PLEKHH1: variants seen among roughly 807,000 people sequenced by gnomAD.
The protein encoded by PLEKHH1 is pleckstrin homology, MyTH4 and FERM domain containing H1, also known as pleckstrin homology domain-containing family H member 1.
A neutral mutation model predicts 160.0 loss-of-function variants in PLEKHH1; 104 were observed. The ratio of observed to expected loss-of-function variants is 0.65; its 90% CI spans 0.55 to 0.76. PLEKHH1 has a LOEUF of 0.76. PLEKHH1 is among the 30% of genes least tolerant of loss of function. The pLI is 0.00. For missense variants in PLEKHH1, 1,427 were observed against 1,724.1 expected (o/e 0.83, Z 3.05); for synonymous variants, 619 against 678.4 (o/e 0.91, Z 1.36).
Position 67,541,691 on chromosome 14 carries a change from A to C in PLEKHH1, c.-34-143A>C, listed in dbSNP as rs2033969414. ...AAGGCAGGGAGGGGCCCTGGGGATC[A>C]GTGACCAATTCTCTTCCCCAGCCCT... is the stretch of plus-strand genomic sequence containing the variant. On this transcript the variant is annotated intron_variant, in intron 1 of 28. Coordinates refer to ENST00000329153, the MANE Select transcript of PLEKHH1 (RefSeq NM_020715.3). The C allele has an allele frequency of 5.2e-5, 28 of 539,612 alleles. No individual in the cohort carries two copies. In the South Asian group the frequency reaches 7.1e-4, roughly 14 times the overall value. 33.4% of individuals were successfully genotyped at this position (539,612 alleles called of 1,614,324 possible).
chr14:67,569,926 A>T lies in PLEKHH1; in HGVS notation c.1348A>T (p.Ser450Cys), dbSNP rs964886768. The T allele has an allele frequency of 1.2e-6, 2 of 1,604,942 alleles. No homozygotes were observed. Among genetic ancestry groups the T allele is most frequent in the Admixed American group, 1.7e-5 (1 of 59,360 alleles). The change falls in exon 9 of 29, where the codon AGC becomes TGC. Residue 450 changes from serine to cysteine, a missense_variant. Coordinates refer to ENST00000329153, the MANE Select transcript of PLEKHH1 (RefSeq NM_020715.3). Reference sequence around the variant, plus strand: ...TTCCTCTCTTCCCTGCTCAGCTTCAAGCCCTCCTGCCCTTGTTTCCCCTGG... The same window carrying T: ...TTCCTCTCTTCCCTGCTCAGCTTCATGCCCTCCTGCCCTTGTTTCCCCTGG... ...PRSNTACCAS[S>C]PPALVSPGSF...
chr14:67,535,400 A>ATTTTTT (rs2033670198), intron 1 of PLEKHH1, among the ~76,000 whole-genome samples: 1 of 45,890 alleles, frequency 2.2e-5, no homozygotes. Context: ...TTTTTTTTTG[A>ATTTTTT]GCCAGAGTCT....
rs751086884 is a variant in PLEKHH1 at position 67,555,851 on chromosome 14, G to A, written c.153G>A (p.Leu51=). The A allele has an allele frequency of 1.5e-5, 25 of 1,613,274 alleles. No individual in the cohort carries two copies. The highest frequency in any genetic ancestry group is 1.9e-5 in the Non-Finnish European group (22 of 1,179,518). ...TGCAGGAGCTGGAGCAGAGGCTGCT[G>A]GAGGCAGAGCAGAGAGCAGAGAACG... ...DKMQELEQRL[L]EAEQRAENAE... Residue 51 remains leucine (L), a synonymous_variant, in exon 3 of 29, where the codon CTG becomes CTA. Transcript: ENST00000329153.
rs773826082 is a variant in PLEKHH1, at chr14:67,569,131, G to A, written c.1264-7G>A. 7 of 1,606,794 alleles carry A rather than the reference G, an allele frequency of 4.4e-6. No homozygotes were observed. In the South Asian group the frequency reaches 7.7e-5, roughly 18 times the overall value. On this transcript the variant is annotated splice_region_variant and splice_polypyrimidine_tract_variant and intron_variant, in intron 7 of 28. Transcript: ENST00000329153. ...GGCCCTGAGCTTCCTGAGACCTCTT[G>A]TTTCAGGAGAGCCGGATCTATGCTG... is the stretch of plus-strand genomic sequence containing the variant.
In PLEKHH1 at chr14:67,586,176, T is replaced by C. The variant is rs756984103; in HGVS notation, c.3933+79T>C. The C allele has an allele frequency of 1.3e-5, 19 of 1,498,728 alleles. 1 individual carries two copies. The highest frequency in any genetic ancestry group is 4.5e-5 in the East Asian group (2 of 44,424). The allele number at this position is 1,498,728 out of a possible 1,614,324, so 92.8% of individuals were successfully genotyped here. A position where few individuals can be genotyped will look rare whatever the true frequency, so the allele number is the denominator to read the frequency against. ...GAGCTTAGAAAGGAAACTGGGGTTATGCTAGTGCTCTGCAAGGGCCCTGCC... is the reference window on the plus strand; with the variant it reads ...GAGCTTAGAAAGGAAACTGGGGTTACGCTAGTGCTCTGCAAGGGCCCTGCC... On this transcript the variant is annotated intron_variant, in intron 28 of 28. Coordinates refer to ENST00000329153, the MANE Select transcript of PLEKHH1 (RefSeq NM_020715.3).
Position 67,588,887 on chromosome 14 carries a change from AAAG to A in PLEKHH1, c.*1656_*1658del, listed in dbSNP as rs2036277454. On this transcript the variant is annotated 3_prime_UTR_variant, in exon 29 of 29. Coordinates refer to ENST00000329153, the MANE Select transcript of PLEKHH1 (RefSeq NM_020715.3). ...CCGTAAACTGACAAGCATGATGAAA[AAAG>A]AAGCACATCCAAGTTTCTGCCTCTT... 6.5e-6 allele frequency: 1 copy of A among 152,750 alleles called. No homozygotes were observed. The highest frequency in any genetic ancestry group is 2.1e-4 in the South Asian group (1 of 4,820). The allele number at this position is 152,750 out of a possible 1,614,324, so 9.5% of individuals were successfully genotyped here. A position where few individuals can be genotyped will look rare whatever the true frequency, so the allele number is the denominator to read the frequency against.
intron 1 of PLEKHH1, among the ~76,000 whole-genome samples, chr14:67,537,352 TA>T (rs2033772913): frequency 7.6e-6 from 1 of 131,104 alleles, no homozygotes; most frequent in Non-Finnish European, 1.6e-5. Context: ...TCAAAAATAA[TA>T]ATAATAATAA....
Position 67,582,054 on chromosome 14 carries a change from T to C in PLEKHH1, c.3285-15T>C. On this transcript the variant is annotated splice_polypyrimidine_tract_variant and intron_variant, in intron 23 of 28. Coordinates refer to ENST00000329153, the MANE Select transcript of PLEKHH1 (RefSeq NM_020715.3). The surrounding 1 kb of genome is among the most constrained non-coding windows in gnomAD (Gnocchi z 5.0). Reference sequence around the variant, plus strand: ...ATCCCTGCTGAGTCCTGGTTTCTTATTCTCTTCTTTGTAGGCTGTACTTTC... The same window carrying C: ...ATCCCTGCTGAGTCCTGGTTTCTTACTCTCTTCTTTGTAGGCTGTACTTTC... The C allele has an allele frequency of 6.2e-7, 1 of 1,603,544 alleles. No individual in the cohort carries two copies. Among genetic ancestry groups the C allele is most frequent in the Non-Finnish European group, 8.5e-7 (1 of 1,175,180 alleles).
chr14:67,556,788 T>C lies in PLEKHH1; in HGVS notation c.190-481T>C, dbSNP rs112684796. Among the ~76,000 whole-genome samples the C allele has an allele frequency of 1.7e-3, 257 of 152,340 alleles. 2 individuals are homozygous for C. The highest frequency in any genetic ancestry group is 5.8e-3 in the African/African-American group (242 of 41,572). The stretch of plus-strand genomic sequence containing the variant: ...TTGAGTCTAGAAATGATGCACCATT[T>C]CCACTTGGACCCCATTGGTTGGATC... On this transcript the variant is annotated intron_variant, in intron 3 of 28. Coordinates refer to ENST00000329153, the MANE Select transcript of PLEKHH1 (RefSeq NM_020715.3).
chr14:67,573,844 C>A lies in PLEKHH1; in HGVS notation c.1883C>A (p.Ser628Tyr). 1 of 1,613,758 alleles carries A rather than the reference C, an allele frequency of 6.2e-7. No individual in the cohort carries two copies. Among genetic ancestry groups the A allele is most frequent in the Non-Finnish European group, 8.5e-7 (1 of 1,179,684 alleles). Residue 628 changes from serine (S) to tyrosine (Y), a missense_variant, in exon 13 of 29, where the codon TCC becomes TAC. Physicochemically the swap from Ser to Tyr is moderately radical, Grantham distance 144. This residue lies in a region of PLEKHH1 where 831 missense variants were observed against 929.2 expected (regional missense o/e 0.89). Transcript: ENST00000329153. The surrounding 1 kb of genome is among the most constrained non-coding windows in gnomAD (Gnocchi z 4.8). ...RKPQGQVDLNSRCQIVRGEGS... is the reference protein window; with the variant it reads ...RKPQGQVDLNYRCQIVRGEGS... ...CCTCAAGGCCAAGTGGATCTGAACTCCCGCTGCCAAATTGTTCGAGGGGAG... is the reference window on the plus strand; with the variant it reads ...CCTCAAGGCCAAGTGGATCTGAACTACCGCTGCCAAATTGTTCGAGGGGAG...
chr14:67,577,279 C>G (rs779312857), intron 17 of PLEKHH1, 23 bp from the exon 18 acceptor site: 1 of 1,507,090 alleles, frequency 6.6e-7, no homozygotes, highest in Non-Finnish European at 9.0e-7. Context: ...TGCCCTTGCT[C>G]TCTGGTTCCG....
intron 1 of PLEKHH1, among the ~76,000 whole-genome samples, chr14:67,533,900 G>A (rs1244261953): frequency 6.6e-6 from 1 of 152,160 alleles, no homozygotes; most frequent in Non-Finnish European, 1.5e-5. Context: ...TGTCCTAGGA[G>A]TCTTAGCGAG....
At chr14:67,546,362 A>G (rs1252577228) in intron 2 of PLEKHH1, among the ~76,000 whole-genome samples, 1 of 152,128 alleles carries the variant, frequency 6.6e-6, no homozygotes, top group African/African-American at 2.4e-5. Flanking sequence ...ACAAAGTGAC[A>G]AGTGACAGGC....
chr14:67,576,043 A>C lies in PLEKHH1; in HGVS notation c.2352+38A>C. The C allele has an allele frequency of 1.3e-6, 2 of 1,484,480 alleles. No homozygotes were observed. The highest frequency in any genetic ancestry group is 1.8e-6 in the Non-Finnish European group (2 of 1,082,624). 92.0% of individuals were successfully genotyped at this position (1,484,480 alleles called of 1,614,324 possible). On this transcript the variant is annotated intron_variant, in intron 16 of 28. Transcript: ENST00000329153. This position sits in a 1 kb window ranked among gnomAD's most constrained non-coding sequence, Gnocchi z 4.0. ...GCTGGGCCTCCAGGGCCAAGCTTGGACCTGTGATTCTGATCTTCCCTTCTC... is the reference window on the plus strand; with the variant it reads ...GCTGGGCCTCCAGGGCCAAGCTTGGCCCTGTGATTCTGATCTTCCCTTCTC...
chr14:67,580,959 TG>T lies in PLEKHH1; in HGVS notation c.3208del (p.Glu1070AsnfsTer4), dbSNP rs750028359. On this transcript the variant is annotated frameshift_variant, in exon 23 of 29. Transcript: ENST00000329153. LOFTEE classifies it high-confidence loss of function. Reference protein sequence around the residue: ...SVKICDAISKWEQAMKELHPG... With the variant: ...SVKICDAISKXEQAMKELHPG... ...CAAGATCTGTGATGCCATCTCCAAG[TG>T]GGAACAAGCCATGAAGGAGCTGCAC... 1 of 1,612,804 alleles carries T rather than the reference TG, an allele frequency of 6.2e-7. No individual in the cohort carries two copies. The highest frequency in any genetic ancestry group is 8.5e-7 in the Non-Finnish European group (1 of 1,178,854).
At chr14:67,554,044 C>T (rs1448811261) in intron 2 of PLEKHH1, among the ~76,000 whole-genome samples, 7 of 152,136 alleles carry the variant, frequency 4.6e-5, no homozygotes, top group Non-Finnish European at 1.0e-4. Context: ...TTGGGATCTT[C>T]GGATGAGCAT....
rs112748861 is a variant in PLEKHH1, at chr14:67,561,156, T to A, written c.424-798T>A. 1.5e-3 allele frequency among the ~76,000 whole-genome samples: 232 copies of A among 152,284 alleles called. 1 individual carries two copies. Among genetic ancestry groups the A allele is most frequent in the African/African-American group, 5.2e-3 (217 of 41,548 alleles). On this transcript the variant is annotated intron_variant, in intron 5 of 28. Transcript: ENST00000329153. ...CTCAGGTCACCTGCTAGACTGCAAG[T>A]TCTTGGAGACAGAACTGATGCCTGG...
In PLEKHH1 at chr14:67,589,003, A is replaced by C. The variant is rs1443700449; in HGVS notation, c.*1768A>C. The C allele has an allele frequency of 6.5e-6, 1 of 152,678 alleles. No homozygotes were observed. The highest frequency in any genetic ancestry group is 1.5e-5 in the Non-Finnish European group (1 of 68,050). 9.5% of individuals were successfully genotyped at this position (152,678 alleles called of 1,614,324 possible). A position where few individuals can be genotyped will look rare whatever the true frequency, so the allele number is the denominator to read the frequency against. The stretch of plus-strand genomic sequence containing the variant: ...CCCACAACTTGGGGATCTAGCTGAG[A>C]CATTTCTACCTCGAACAAGTCACAT... On this transcript the variant is annotated 3_prime_UTR_variant, in exon 29 of 29. Coordinates refer to ENST00000329153, the MANE Select transcript of PLEKHH1 (RefSeq NM_020715.3).
chr14:67,575,298 C>A, intron 14 of PLEKHH1, 94 bp from the exon 15 acceptor site: 3 of 728,022 alleles, frequency 4.1e-6, no homozygotes, highest in African/African-American at 1.8e-5. Context: ...TACCATAGGT[C>A]AAATCTGTCT....
Sources: allele counts gnomAD v4.1 joint callset (sites outside exome capture counted in the v4.1 genomes callset), GRCh38; gene constraint gnomAD v4.1.1; regional missense constraint gnomAD v4.1.1; non-coding constraint Gnocchi (gnomAD v3.1); transcripts MANE v1.5; gene names NCBI Gene and HGNC (gene_info 2026-07-23, HGNC 2026-07-21).